CHLSN: variants seen among roughly 807,000 people sequenced by gnomAD.
The protein encoded by CHLSN is cholesin.
At chr7:1,049,297 T>G in the CHLSN span, among the ~76,000 whole-genome samples, 9 of 152,322 alleles carry the variant, frequency 5.9e-5, no homozygotes, top group Non-Finnish European at 1.2e-4. Flanking sequence ...AGGCCAAAGA[T>G]CTGCAGGCGT....
chr7:1,033,620 GACGTGGTCAAACCA>G, the CHLSN span, among the ~76,000 whole-genome samples: 1 of 151,996 alleles, frequency 6.6e-6, no homozygotes, highest in African/African-American at 2.4e-5. Context: ...GAAGAAATAC[GACGTGGTCAAACCA>G]ACTGATGCAG....
At chr7:1,074,707 C>T in the CHLSN span, 3,426 of 152,450 alleles carry the variant, frequency 0.022, 92 homozygotes, top group African/African-American at 0.064. Context: ...GCTCTGAGGT[C>T]GCGCAGGTGT....
the CHLSN span, among the ~76,000 whole-genome samples, chr7:1,123,349 T>C: frequency 6.6e-6 from 1 of 151,934 alleles, no homozygotes; most frequent in Non-Finnish European, 1.5e-5. The surrounding 1 kb of genome is among the most constrained non-coding windows in gnomAD (Gnocchi z 4.4). Flanking sequence ...GCCCCGGGAG[T>C]GGCCGCTGAC....
chr7:1,115,659 C>T, the CHLSN span, among the ~76,000 whole-genome samples: 53 of 126,216 alleles, frequency 4.2e-4, 2 homozygotes, highest in African/African-American at 1.3e-3. Context: ...ATCACTACAG[C>T]TCTAGGACCG....
the CHLSN span, among the ~76,000 whole-genome samples, chr7:1,023,622 GAAACAC>G: frequency 1.0e-5 from 1 of 95,436 alleles, no homozygotes; most frequent in East Asian, 5.2e-4. The surrounding 1 kb of genome is among the most constrained non-coding windows in gnomAD (Gnocchi z 5.0). Flanking sequence ...CTCCTCCCAG[GAAACAC>G]ACACACACAC....
chr7:988,411 C>T, the CHLSN span: 1 of 1,612,606 alleles, frequency 6.2e-7, no homozygotes, highest in Non-Finnish European at 8.5e-7. Context: ...TCCTGCCTTT[C>T]TCTGCAGGTC....
the CHLSN span, among the ~76,000 whole-genome samples, chr7:1,079,295 C>T: frequency 6.6e-6 from 1 of 152,340 alleles, no homozygotes; most frequent in East Asian, 1.9e-4. Context: ...AGGCAGGCAA[C>T]GCCCGGCTGC....
chr7:1,031,826 A>G, the CHLSN span, among the ~76,000 whole-genome samples: 1 of 134,290 alleles, frequency 7.4e-6, no homozygotes, highest in Non-Finnish European at 1.6e-5. Context: ...CAGGGAGGGC[A>G]GAGTGGTCCG....
chr7:1,101,713 G>A, the CHLSN span, among the ~76,000 whole-genome samples: 1 of 152,230 alleles, frequency 6.6e-6, no homozygotes, highest in Non-Finnish European at 1.5e-5. Flanking sequence ...CACGGCCACG[G>A]CAGCCTGAAC....
the CHLSN span, chr7:1,091,892 A>T: frequency 6.2e-7 from 1 of 1,614,046 alleles, no homozygotes; most frequent in Non-Finnish European, 8.5e-7. Flanking sequence ...CACCAGCAGT[A>T]CGTGATCGGC....
At chr7:1,096,658 A>G in the CHLSN span, among the ~76,000 whole-genome samples, 1 of 152,244 alleles carries the variant, frequency 6.6e-6, no homozygotes, top group African/African-American at 2.4e-5. This position sits in a 1 kb window ranked among gnomAD's most constrained non-coding sequence, Gnocchi z 4.6. Flanking sequence ...TTTTAAACCC[A>G]GAAAGAGCTC....
chr7:986,612 C>T, the CHLSN span: 2 of 1,612,364 alleles, frequency 1.2e-6, no homozygotes, highest in Non-Finnish European at 1.7e-6. Flanking sequence ...GCTCCTCCTG[C>T]CTCCTGCCCA....
the CHLSN span, chr7:987,297 C>T: frequency 6.6e-7 from 1 of 1,518,876 alleles, no homozygotes; most frequent in Non-Finnish European, 8.8e-7. Flanking sequence ...GGGGGACCCC[C>T]AGGGACGAGG....
the CHLSN span, among the ~76,000 whole-genome samples, chr7:1,032,051 A>T: frequency 6.6e-6 from 1 of 152,086 alleles, no homozygotes; most frequent in Non-Finnish European, 1.5e-5. Context: ...ATTCTGAGTC[A>T]TTCAAAAAAG....
the CHLSN span, among the ~76,000 whole-genome samples, chr7:1,012,856 C>T: frequency 6.6e-6 from 1 of 152,216 alleles, no homozygotes; most frequent in South Asian, 2.1e-4. Flanking sequence ...CACTCCGTGC[C>T]ATCGGCCGCC....
At chr7:998,269 G>T in the CHLSN span, among the ~76,000 whole-genome samples, 1 of 152,154 alleles carries the variant, frequency 6.6e-6, no homozygotes, top group African/African-American at 2.4e-5. Flanking sequence ...AGGCTCACCA[G>T]TCACCTGACA....
chr7:1,043,008 T>C, the CHLSN span, among the ~76,000 whole-genome samples: 2 of 151,886 alleles, frequency 1.3e-5, no homozygotes, highest in African/African-American at 2.4e-5. Flanking sequence ...TCCCAGCACT[T>C]TGGGAAGCCC....
the CHLSN span, among the ~76,000 whole-genome samples, chr7:1,101,430 A>G: frequency 1.3e-5 from 2 of 152,218 alleles, no homozygotes; most frequent in Admixed American, 1.3e-4. Context: ...GCGTCGGACC[A>G]GGGGCTGGCT....
chr7:1,038,633 A>G, the CHLSN span, among the ~76,000 whole-genome samples: 4 of 64,816 alleles, frequency 6.2e-5, no homozygotes, highest in Admixed American at 2.8e-4. Flanking sequence ...CTGCCCGGCC[A>G]GCCGCCCCGT....
Sources: allele counts gnomAD v4.1 joint callset (sites outside exome capture counted in the v4.1 genomes callset), GRCh38; gene constraint gnomAD v4.1.1; non-coding constraint Gnocchi (gnomAD v3.1); transcripts MANE v1.5; gene names NCBI Gene and HGNC (gene_info 2026-07-23, HGNC 2026-07-21).